The following BTBD9 variants were observed in gnomAD, a reference collection of about 807,000 sequenced individuals.
The protein encoded by BTBD9 is BTB/POZ domain-containing protein 9.
Under a neutral mutation model 64.3 loss-of-function variants are expected in BTBD9, and 49 were observed. The observed-to-expected ratio is 0.76, with a 90% CI of 0.61 to 0.97. The LOEUF (loss-of-function observed/expected upper bound fraction) is 0.97. BTBD9 is among the 50% of genes least tolerant of loss of function. The probability of loss-of-function intolerance (pLI) is 0.00; values close to 1 mark genes in which losing one functional copy is unlikely to be tolerated. For synonymous variants in BTBD9, 260 were observed against 274.7 expected (o/e 0.95, Z 0.53); for missense variants, 598 against 762.1 (o/e 0.78, Z 2.53).
chr6:38,273,475 T>C (rs985672755), intron 8 of BTBD9, among the ~76,000 whole-genome samples: 10 of 152,172 alleles, frequency 6.6e-5, no homozygotes, highest in African/African-American at 2.4e-4. Context: ...GAAATCTCAT[T>C]ACACAGTCAT....
intron 1 of BTBD9, among the ~76,000 whole-genome samples, chr6:38,629,458 T>C (rs757839960): frequency 5.3e-5 from 8 of 152,330 alleles, no homozygotes; most frequent in South Asian, 2.1e-4. Flanking sequence ...ATCACATCTA[T>C]ATTACCGCCA....
chr6:38,443,704 C>T (rs1012354829), intron 6 of BTBD9, among the ~76,000 whole-genome samples: 5 of 152,132 alleles, frequency 3.3e-5, no homozygotes, highest in African/African-American at 1.2e-4. Context: ...AATTAATCGC[C>T]AAGTCCTAAA....
At chr6:38,236,751 T>C (rs1487225140) in intron 9 of BTBD9, among the ~76,000 whole-genome samples, 3 of 152,198 alleles carry the variant, frequency 2.0e-5, no homozygotes, top group African/African-American at 4.8e-5. Context: ...TGATTAAAAA[T>C]CTGCTTCCAC....
At chr6:38,339,820 A>G (rs184662718) in intron 7 of BTBD9, among the ~76,000 whole-genome samples, 1 of 152,352 alleles carries the variant, frequency 6.6e-6, no homozygotes, top group Non-Finnish European at 1.5e-5. Context: ...GCAAAATGGA[A>G]CAGATGAACC....
chr6:38,319,013 A>AGAG (rs960469795), intron 7 of BTBD9, among the ~76,000 whole-genome samples: 3 of 152,200 alleles, frequency 2.0e-5, no homozygotes, highest in Non-Finnish European at 4.4e-5. Flanking sequence ...TGCCCCAGCC[A>AGAG]GAGGGGTCTC....
intron 1 of BTBD9, among the ~76,000 whole-genome samples, chr6:38,599,230 G>C (rs1777164713): frequency 6.6e-6 from 1 of 152,140 alleles, no homozygotes; most frequent in South Asian, 2.1e-4. Flanking sequence ...TAAGAAAGTG[G>C]GGGGTTATAG....
chr6:38,500,946 T>A (rs1463139752), intron 6 of BTBD9, among the ~76,000 whole-genome samples: 2 of 152,226 alleles, frequency 1.3e-5, no homozygotes, highest in Non-Finnish European at 2.9e-5. Flanking sequence ...AAGCACTGGC[T>A]GAAGACCAAA....
chr6:38,421,627 T>C (rs1160770040), intron 6 of BTBD9, among the ~76,000 whole-genome samples: 2 of 152,206 alleles, frequency 1.3e-5, no homozygotes, highest in South Asian at 2.1e-4. Context: ...TTCATAGTAA[T>C]ATAGCTAGTC....
chr6:38,562,457 T>C (rs1775303396), intron 6 of BTBD9, among the ~76,000 whole-genome samples: 1 of 152,218 alleles, frequency 6.6e-6, no homozygotes, highest in Non-Finnish European at 1.5e-5. Context: ...TTTTAAAAAG[T>C]AACTTCAACT....
intron 6 of BTBD9, among the ~76,000 whole-genome samples, chr6:38,465,785 T>C (rs1489465729): frequency 7.2e-6 from 1 of 139,006 alleles, no homozygotes; most frequent in African/African-American, 2.6e-5. Flanking sequence ...CAGTTATTTA[T>C]TTCTTCCTGA....
intron 6 of BTBD9, among the ~76,000 whole-genome samples, chr6:38,430,892 G>T (rs1414751153): frequency 6.6e-6 from 1 of 151,946 alleles, no homozygotes; most frequent in Non-Finnish European, 1.5e-5. Context: ...CAATGGTCAG[G>T]TCTGTCCTGG....
At chr6:38,273,461 G>A (rs757052273) in intron 8 of BTBD9, among the ~76,000 whole-genome samples, 8 of 152,194 alleles carry the variant, frequency 5.3e-5, no homozygotes, top group Non-Finnish European at 8.8e-5. Flanking sequence ...GAGCAGGCCA[G>A]TGTGAAATCT....
Position 38,593,979 on chromosome 6 carries a change from G to A in BTBD9, c.534C>T (p.Phe178=). ...AATGACACACCTTAGAAAGGGAGAGGAAACCTTCACTTGAGAGGACTTCCT... is the reference window on the plus strand; with the variant it reads ...AATGACACACCTTAGAAAGGGAGAGAAAACCTTCACTTGAGAGGACTTCCT... The part of the protein sequence containing the change: ...NAQEVLSSEG[F]LSLSKTALLN... Residue 178 remains phenylalanine, a synonymous_variant, in exon 3 of 11, where the codon TTC becomes TTT. Coordinates refer to ENST00000481247, the MANE Select transcript of BTBD9 (RefSeq NM_001099272.2). 6.2e-7 allele frequency: 1 copy of A among 1,612,742 alleles called. No individual in the cohort carries two copies. Among genetic ancestry groups the A allele is most frequent in the East Asian group, 2.2e-5 (1 of 44,878 alleles).
intron 6 of BTBD9, among the ~76,000 whole-genome samples, chr6:38,501,176 C>A (rs528803337): frequency 6.6e-6 from 1 of 152,036 alleles, no homozygotes; most frequent in African/African-American, 2.4e-5. Context: ...TTGAAGAAGA[C>A]AGAGAACACC....
intron 6 of BTBD9, among the ~76,000 whole-genome samples, chr6:38,354,144 T>C (rs528931410): frequency 2.0e-5 from 3 of 152,234 alleles, no homozygotes; most frequent in South Asian, 4.2e-4. Context: ...AGAACAGGAA[T>C]TGCCCAAGAT....
At chr6:38,462,815 T>C (rs1333204748) in intron 6 of BTBD9, among the ~76,000 whole-genome samples, 2 of 152,226 alleles carry the variant, frequency 1.3e-5, no homozygotes, top group Non-Finnish European at 2.9e-5. Flanking sequence ...TTGTTTTGTT[T>C]TGAGACAGGG....
chr6:38,252,733 CA>C (rs1232268591), intron 9 of BTBD9, among the ~76,000 whole-genome samples: 4 of 152,066 alleles, frequency 2.6e-5, no homozygotes, highest in Non-Finnish European at 5.9e-5. Flanking sequence ...ACTTTGAAAT[CA>C]AAAAAGTCCC....
intron 9 of BTBD9, among the ~76,000 whole-genome samples, chr6:38,232,818 C>A (rs923104859): frequency 9.9e-5 from 15 of 152,064 alleles, no homozygotes; most frequent in African/African-American, 3.6e-4. Context: ...TTAAATGAGT[C>A]TCTCTGGATC....
intron 8 of BTBD9, among the ~76,000 whole-genome samples, chr6:38,287,106 ATATACAC>A (rs377710363): frequency 8.8e-6 from 1 of 114,098 alleles, no homozygotes; most frequent in East Asian, 2.3e-4. Flanking sequence ...AAAAAAAAAA[ATATACAC>A]ACACACACAC....
Sources: gnomAD v4.1 joint callset for allele counts (sites outside exome capture counted in the v4.1 genomes callset) on GRCh38, gnomAD v4.1.1 for gene constraint, MANE v1.5 for transcripts, NCBI Gene and HGNC (gene_info 2026-07-23, HGNC 2026-07-21) for gene names.